The following MMRN1 variants were observed in gnomAD, a reference collection of about 807,000 sequenced individuals.
MMRN1 encodes multimerin 1.
A neutral mutation model predicts 100.7 loss-of-function variants in MMRN1; 94 were observed. The ratio of observed to expected loss-of-function variants is 0.93; its 90% CI spans 0.79 to 1.11. MMRN1 has a LOEUF of 1.11. MMRN1 is among the 50% of genes least tolerant of loss of function. MMRN1 has a pLI of 0.00. For missense variants in MMRN1, 1,606 were observed against 1,439.1 expected (o/e 1.12, Z -1.88); for synonymous variants, 575 against 505.0 (o/e 1.14, Z -1.86).
chr4:89,923,822 A>G (rs982026604), intron 4 of MMRN1, among the ~76,000 whole-genome samples: 5 of 152,192 alleles, frequency 3.3e-5, no homozygotes, highest in African/African-American at 9.7e-5. Context: ...TTTTACAAAC[A>G]TAAGGTTGGT....
At chr4:89,909,566 A>G (rs1323505284) in intron 2 of MMRN1, among the ~76,000 whole-genome samples, 171 bp downstream of exon 2, 2 of 151,522 alleles carry the variant, frequency 1.3e-5, no homozygotes, top group Non-Finnish European at 3.0e-5. Context: ...TTTGCCTCAT[A>G]TGGTCATTTT....
At position 89,935,422 on chromosome 4, in the gene MMRN1, T is replaced by A; in HGVS notation, c.1742T>A (p.Leu581Ter). 1 of 1,613,492 alleles carries A rather than the reference T, an allele frequency of 6.2e-7. No individual in the cohort carries two copies. The highest frequency in any genetic ancestry group is 8.5e-7 in the Non-Finnish European group (1 of 1,179,748). The change falls in exon 6 of 8, where the codon TTG (leucine) becomes TAG (stop). Residue 581 changes from leucine to a stop codon, truncating the protein, a stop_gained. Transcript: ENST00000264790. LOFTEE classifies it high-confidence loss of function. Reference sequence around the variant, plus strand: ...AAGATTAACAATCTCACCGTCTCTTTGGAGATGGAGAAAGAGTCTCTCAGA... The same window carrying A: ...AAGATTAACAATCTCACCGTCTCTTAGGAGATGGAGAAAGAGTCTCTCAGA... ...ESKINNLTVS[L>*]EMEKESLRGE... is the part of the protein sequence containing the mutation.
chr4:89,939,704 C>A (rs1337580674), intron 6 of MMRN1, among the ~76,000 whole-genome samples: 1 of 152,212 alleles, frequency 6.6e-6, no homozygotes, highest in South Asian at 2.1e-4. Context: ...TGTTCACATG[C>A]CTTTCTCTTC....
At chr4:89,879,548 T>C (rs1196736805) in exon 1 of MMRN1, 3 of 152,202 alleles carry the variant, frequency 2.0e-5, no homozygotes, top group Non-Finnish European at 4.4e-5. Flanking sequence ...GCCAAGAGGT[T>C]TCTGCTTCTA....
In MMRN1 at chr4:89,935,162, G is replaced by A; in HGVS notation, c.1482G>A (p.Gln494=). 1 of 1,613,270 alleles carries A rather than the reference G, an allele frequency of 6.2e-7. No homozygotes were observed. Among genetic ancestry groups the A allele is most frequent in the Non-Finnish European group, 8.5e-7 (1 of 1,179,640 alleles). ...CTCATTTAGAAGGTGCTCTAGAACA[G>A]GAACACTCAAGAAGCATTCTGTATT... ...KQTHLEGALE[Q]EHSRSILYYE... Residue 494 remains glutamine, a synonymous_variant, in exon 6 of 8, where the codon CAG becomes CAA. Coordinates refer to ENST00000264790, the MANE Select transcript of MMRN1 (RefSeq NM_007351.3).
intron 6 of MMRN1, among the ~76,000 whole-genome samples, chr4:89,940,849 C>T (rs1004008188): frequency 9.2e-5 from 14 of 152,058 alleles, no homozygotes; most frequent in African/African-American, 3.4e-4. Context: ...TTCCATGCAT[C>T]AACATAGTTT....
intron 1 of MMRN1, among the ~76,000 whole-genome samples, chr4:89,901,260 T>C (rs1467982863): frequency 6.6e-6 from 1 of 151,904 alleles, no homozygotes; most frequent in East Asian, 1.9e-4. Context: ...TACAGAGGGC[T>C]CATACATATG....
At chr4:89,944,320 T>A (rs1722921856) in intron 6 of MMRN1, among the ~76,000 whole-genome samples, 1 of 152,182 alleles carries the variant, frequency 6.6e-6, no homozygotes, top group Non-Finnish European at 1.5e-5. Flanking sequence ...TTGAAAGAAT[T>A]TGATAAATAT....
intron 2 of MMRN1, among the ~76,000 whole-genome samples, 161 bp from the exon 3 acceptor site, chr4:89,911,783 G>A (rs1051829308): frequency 6.6e-6 from 1 of 151,224 alleles, no homozygotes; most frequent in African/African-American, 2.4e-5. Flanking sequence ...CCTAAGTTAG[G>A]CAATAATATT....
At position 89,895,165 on chromosome 4, in the gene MMRN1, T is replaced by G; in HGVS notation, c.194T>G (p.Ile65Arg). 6.2e-7 allele frequency: 1 copy of G among 1,613,810 alleles called. No homozygotes were observed. The highest frequency in any genetic ancestry group is 8.5e-7 in the Non-Finnish European group (1 of 1,179,892). Residue 65 changes from isoleucine (I) to arginine (R), a missense_variant, in exon 1 of 8, where the codon ATA becomes AGA. Coordinates refer to ENST00000264790, the MANE Select transcript of MMRN1 (RefSeq NM_007351.3). ...ACCACTCGGGTCATGTCGGCGGAGA[T>G]AGCTACAACTCCAGAGGCAAGAACT... ...LPTTRVMSAEIATTPEARTSE... is the reference protein window; with the variant it reads ...LPTTRVMSAERATTPEARTSE...
At chr4:89,908,843 C>T (rs1279914120) in intron 1 of MMRN1, among the ~76,000 whole-genome samples, 1 of 151,374 alleles carries the variant, frequency 6.6e-6, no homozygotes, top group African/African-American at 2.4e-5. Context: ...CAGCTAATAA[C>T]AGTTCTTTCT....
At position 89,882,533 on chromosome 4, in the gene MMRN1, C is replaced by T. The variant is rs1030388224; in HGVS notation, c.-249+2931C>T. 7.9e-5 allele frequency among the ~76,000 whole-genome samples: 12 copies of T among 151,670 alleles called. No homozygotes were observed. The East Asian group carries it at 2.3e-3, about 29-fold the overall frequency. On this transcript the variant is annotated intron_variant, in intron 1 of 8. Coordinates refer to the MMRN1 transcript ENST00000394980. ...TCTTAATGCTCTTTTGCATTTTTTT[C>T]CTCCATTTAATGTCCTAGTCATATT...
intron 1 of MMRN1, among the ~76,000 whole-genome samples, chr4:89,905,783 C>T (rs569940884): frequency 8.6e-5 from 13 of 151,414 alleles, no homozygotes; most frequent in Non-Finnish European, 1.8e-4. Flanking sequence ...AATTATATAC[C>T]ATTGGCTTGG....
In MMRN1 at chr4:89,954,528, T is replaced by G. The variant is rs1723286080; in HGVS notation, c.*1110T>G. The G allele has an allele frequency of 6.6e-6, 1 of 152,170 alleles. No individual in the cohort carries two copies. The highest frequency in any genetic ancestry group is 1.5e-5 in the Non-Finnish European group (1 of 68,020). The allele number at this position is 152,170 out of a possible 1,614,324, so 9.4% of individuals were successfully genotyped here. Reference sequence around the variant, plus strand: ...TATTACAATATTACTGTGGTGAACATGCTTAAAAATACATTCCTTGGATAT... The same window carrying G: ...TATTACAATATTACTGTGGTGAACAGGCTTAAAAATACATTCCTTGGATAT... On this transcript the variant is annotated 3_prime_UTR_variant, in exon 8 of 8. Coordinates refer to ENST00000264790, the MANE Select transcript of MMRN1 (RefSeq NM_007351.3).
At position 89,953,496 on chromosome 4, in the gene MMRN1, C is replaced by G. The variant is rs1723251768; in HGVS notation, c.*78C>G. The G allele has an allele frequency of 7.3e-7, 1 of 1,367,316 alleles. No individual in the cohort carries two copies. Among genetic ancestry groups the G allele is most frequent in the Non-Finnish European group, 9.8e-7 (1 of 1,019,274 alleles). The allele number at this position is 1,367,316 out of a possible 1,614,324, so 84.7% of individuals were successfully genotyped here. On this transcript the variant is annotated 3_prime_UTR_variant, in exon 8 of 8. Coordinates refer to ENST00000264790, the MANE Select transcript of MMRN1 (RefSeq NM_007351.3). ...ATTTATCTTTGCTTGCACATCTGCT[C>G]TGTTTTGGTTTTTCTACAGGAAATG...
chr4:89,913,350 GGTT>G lies in MMRN1; in HGVS notation c.850+1304_850+1306del, dbSNP rs1238334858. ...TGCAGAGCACATTTCTAGAAATTTA[GGTT>G]GTTATTACACATCTTATTAGTAGAC... On this transcript the variant is annotated intron_variant, in intron 3 of 7. Coordinates refer to ENST00000264790, the MANE Select transcript of MMRN1 (RefSeq NM_007351.3). Among the ~76,000 whole-genome samples the G allele has an allele frequency of 2.0e-5, 3 of 151,242 alleles. No individual in the cohort carries two copies. In the Admixed American group the frequency reaches 2.0e-4, roughly 10 times the overall value.
At chr4:89,928,379 T>G (rs1722333555) in intron 5 of MMRN1, among the ~76,000 whole-genome samples, 1 of 152,136 alleles carries the variant, frequency 6.6e-6, no homozygotes, top group African/African-American at 2.4e-5. Flanking sequence ...CTGAAGTGCA[T>G]TATTATCCCC....
chr4:89,927,773 C>T lies in MMRN1; in HGVS notation c.956-22C>T, dbSNP rs200045894. 7 of 1,592,648 alleles carry T rather than the reference C, an allele frequency of 4.4e-6. No individual in the cohort carries two copies. The Admixed American group carries it at 5.5e-5, about 12-fold the overall frequency. ...GTCAAAATATATTTTTTAATGGTCTCAATTTTCTCTTCTATATGCAGAAGT... is the reference window on the plus strand; with the variant it reads ...GTCAAAATATATTTTTTAATGGTCTTAATTTTCTCTTCTATATGCAGAAGT... On this transcript the variant is annotated intron_variant, in intron 4 of 7. Transcript: ENST00000264790.
chr4:89,925,468 C>T, intron 4 of MMRN1, among the ~76,000 whole-genome samples: 1 of 146,122 alleles, frequency 6.8e-6, no homozygotes. Flanking sequence ...TTTTTTATAC[C>T]CAAATAAAAA....
Sources: allele counts gnomAD v4.1 joint callset (sites outside exome capture counted in the v4.1 genomes callset), GRCh38; gene constraint gnomAD v4.1.1; transcripts MANE v1.5; gene names NCBI Gene and HGNC (gene_info 2026-07-23, HGNC 2026-07-21).